Variants in THSD7A observed in about 807,000 individuals in gnomAD.
THSD7A encodes thrombospondin type 1 domain containing 7A.
Under a neutral mutation model 231.3 loss-of-function variants are expected in THSD7A, and 96 were observed. The ratio of observed to expected loss-of-function variants is 0.41; its 90% CI spans 0.35 to 0.49. THSD7A has a LOEUF of 0.49. Among genes scored for constraint, THSD7A ranks in the 20% least tolerant of loss-of-function variants. The probability of loss-of-function intolerance (pLI) is 0.05; values close to 1 mark genes in which losing one functional copy is unlikely to be tolerated. For missense variants in THSD7A, 2,290 were observed against 2,070.2 expected, an observed-to-expected ratio of 1.11 and a Z score of -2.06; for synonymous variants, 940 against 743.3, an observed-to-expected ratio of 1.26 and a Z score of -4.30.
At chr7:11,741,819 A>T (rs1477049219) in intron 1 of THSD7A, among the ~76,000 whole-genome samples, 3 of 151,928 alleles carry the variant, frequency 2.0e-5, no homozygotes, top group Non-Finnish European at 4.4e-5. Context: ...TTGCTCTTTC[A>T]TAGGCAATAG....
chr7:11,733,108 T>C (rs4721007), intron 1 of THSD7A, among the ~76,000 whole-genome samples: 111,024 of 151,652 alleles, frequency 0.73, 40,722 homozygotes, highest in South Asian at 0.79. Context: ...CCCCATCTCA[T>C]GTTTTCAACA....
At chr7:11,631,884 T>C (rs961690028) in intron 2 of THSD7A, among the ~76,000 whole-genome samples, 1 of 152,220 alleles carries the variant, frequency 6.6e-6, no homozygotes, top group African/African-American at 2.4e-5. Context: ...AATGGCCTCC[T>C]GTAAATTTTA....
chr7:11,439,106 A>G (rs1784723070), intron 13 of THSD7A, among the ~76,000 whole-genome samples: 1 of 152,034 alleles, frequency 6.6e-6, no homozygotes, highest in Admixed American at 6.6e-5. Context: ...TTCAGCAAAA[A>G]TATGACTATT....
intron 10 of THSD7A, among the ~76,000 whole-genome samples, chr7:11,461,505 G>C (rs764114679): frequency 1.6e-4 from 24 of 152,082 alleles, no homozygotes; most frequent in Non-Finnish European, 1.8e-4. Flanking sequence ...ATGATATATA[G>C]CTTCGATAAC....
intron 1 of THSD7A, among the ~76,000 whole-genome samples, chr7:11,694,861 A>G (rs1024763662): frequency 6.6e-6 from 1 of 151,592 alleles, no homozygotes; most frequent in African/African-American, 2.4e-5. Context: ...TTCAAAATAT[A>G]ATTTGGAAGA....
chr7:11,540,134 C>A (rs1789082667), intron 6 of THSD7A, among the ~76,000 whole-genome samples: 1 of 152,112 alleles, frequency 6.6e-6, no homozygotes, highest in Non-Finnish European at 1.5e-5. Context: ...AAGAGCTAAA[C>A]AGAGGACATA....
In THSD7A at chr7:11,474,106, G is replaced by C. The variant is rs991507959; in HGVS notation, c.2252+228C>G. Among the ~76,000 whole-genome samples the C allele has an allele frequency of 1.3e-5, 2 of 152,174 alleles. No individual in the cohort carries two copies. Among genetic ancestry groups the C allele is most frequent in the Non-Finnish European group, 2.9e-5 (2 of 68,026 alleles). The stretch of plus-strand genomic sequence containing the variant: ...GCAGAAAGTGCTACTATAAAACAGA[G>C]AGTAGGCACCAGATAGAAAGATTTC... On this transcript the variant is annotated intron_variant, in intron 8 of 27. Coordinates refer to ENST00000423059, the MANE Select transcript of THSD7A (RefSeq NM_015204.3). This position sits in a 1 kb window ranked among gnomAD's most constrained non-coding sequence, Gnocchi z 4.1.
rs202223169 is a variant in THSD7A, at chr7:11,401,889, A to T, written c.4317T>A (p.Gly1439=). The T allele has an allele frequency of 6.2e-7, 1 of 1,613,912 alleles. No individual in the cohort carries two copies. Among genetic ancestry groups the T allele is most frequent in the African/African-American group, 1.3e-5 (1 of 75,006 alleles). Residue 1439 remains glycine (G), a synonymous_variant, in exon 23 of 28, where the codon GGT becomes GGA. Coordinates refer to ENST00000423059, the MANE Select transcript of THSD7A (RefSeq NM_015204.3). ...CCGGTCTGGATCTGACCTGTATTCC[A>T]CCAAAGCCTAGATCCTCACCATTCA... ...TCVNGEDLGF[G]GIQVRSRPVI...
chr7:11,603,165 T>A (rs1780608646), intron 2 of THSD7A, among the ~76,000 whole-genome samples: 1 of 151,360 alleles, frequency 6.6e-6, no homozygotes, highest in Non-Finnish European at 1.5e-5. Flanking sequence ...TACAATGAAC[T>A]CAAACAAATT....
intron 23 of THSD7A, among the ~76,000 whole-genome samples, chr7:11,383,034 A>T (rs113968496): frequency 0.057 from 8,699 of 151,566 alleles, 758 homozygotes; most frequent in African/African-American, 0.19. Context: ...ATATATAATT[A>T]TATTCTTTTC....
At chr7:11,375,920 T>C in intron 27 of THSD7A, 42 bp from the exon 28 acceptor site, 1 of 1,577,986 alleles carries the variant, frequency 6.3e-7, no homozygotes. Context: ...AATCAGTTTC[T>C]AATTGTAAAT....
chr7:11,444,546 G>A lies in THSD7A; in HGVS notation c.3064+1515C>T, dbSNP rs575340515. Among the ~76,000 whole-genome samples, 11 of 151,994 alleles carry A rather than the reference G, an allele frequency of 7.2e-5. No individual in the cohort carries two copies. In the South Asian group the frequency reaches 2.1e-3, roughly 29 times the overall value. On this transcript the variant is annotated intron_variant, in intron 13 of 27. Transcript: ENST00000423059. The surrounding 1 kb of genome is among the most constrained non-coding windows in gnomAD (Gnocchi z 4.2). Reference sequence around the variant, plus strand: ...ATGTTCTCACTCAAAAGTGAAAGTTGAACAATAAGAACACATGGGCACAGG... The same window carrying A: ...ATGTTCTCACTCAAAAGTGAAAGTTAAACAATAAGAACACATGGGCACAGG...
chr7:11,566,564 T>C (rs562883369), intron 4 of THSD7A, among the ~76,000 whole-genome samples: 1 of 152,290 alleles, frequency 6.6e-6, no homozygotes, highest in East Asian at 1.9e-4. Flanking sequence ...CTATTAGAGA[T>C]GCCATGTACA....
chr7:11,468,335 A>C (rs1193194145), intron 9 of THSD7A, among the ~76,000 whole-genome samples: 5 of 151,996 alleles, frequency 3.3e-5, no homozygotes, highest in Non-Finnish European at 5.9e-5. Flanking sequence ...GTAAAATATT[A>C]ATCTATAAGA....
Position 11,469,983 on chromosome 7 carries a change from CT to C in THSD7A, c.2263del (p.Ser755AlafsTer7). The C allele has an allele frequency of 6.3e-7, 1 of 1,586,034 alleles. No individual in the cohort carries two copies. The highest frequency in any genetic ancestry group is 8.6e-7 in the Non-Finnish European group (1 of 1,163,700). On this transcript the variant is annotated frameshift_variant, in exon 9 of 28. Transcript: ENST00000423059. LOFTEE classifies it high-confidence loss of function. ...AGGCCTTACAGTTTCAGGTCGAAGG[CT>C]TTCAGGACATCTAGAAAGGCAAAGG... ...GQVGPKKCPE[S>X]LRPETVRPCL...
chr7:11,417,761 T>C (rs891627307), intron 16 of THSD7A, among the ~76,000 whole-genome samples, 158 bp from the exon 17 acceptor site: 12 of 152,212 alleles, frequency 7.9e-5, no homozygotes, highest in Admixed American at 2.6e-4. Context: ...AATAAAATTC[T>C]CCACAAATGA....
At chr7:11,788,898 C>CTGT (rs1339716808) in intron 1 of THSD7A, among the ~76,000 whole-genome samples, 1 of 151,792 alleles carries the variant, frequency 6.6e-6, no homozygotes, top group African/African-American at 2.4e-5. Context: ...ATAAATGTAG[C>CTGT]TGTTATTATT....
At chr7:11,530,836 C>A (rs1027333254) in intron 6 of THSD7A, among the ~76,000 whole-genome samples, 1 of 152,068 alleles carries the variant, frequency 6.6e-6, no homozygotes, top group African/African-American at 2.4e-5. Flanking sequence ...TACAGTGAAG[C>A]CTGGTCTCTA....
At chr7:11,608,200 T>C (rs1780800312) in intron 2 of THSD7A, among the ~76,000 whole-genome samples, 1 of 152,166 alleles carries the variant, frequency 6.6e-6, no homozygotes. Context: ...TGATGCTAAG[T>C]GGCATGATTG....
Sources: allele counts gnomAD v4.1 joint callset (sites outside exome capture counted in the v4.1 genomes callset), GRCh38; gene constraint gnomAD v4.1.1; non-coding constraint Gnocchi (gnomAD v3.1); transcripts MANE v1.5; gene names NCBI Gene and HGNC (gene_info 2026-07-23, HGNC 2026-07-21).